The following GLYR1 variants were observed in gnomAD, a reference collection of about 807,000 sequenced individuals.
The protein encoded by GLYR1 is glyoxylate reductase 1 homolog.
A neutral mutation model predicts 72.7 loss-of-function variants in GLYR1; 21 were observed. The observed-to-expected ratio is 0.29, with a 90% CI of 0.20 to 0.42. The LOEUF (loss-of-function observed/expected upper bound fraction) is 0.42. Among genes scored for constraint, GLYR1 ranks in the 10% least tolerant of loss-of-function variants. GLYR1 has a pLI of 1.00. For missense variants in GLYR1, 594 were observed against 712.1 expected, an observed-to-expected ratio of 0.83 and a Z score of 1.89; for synonymous variants, 392 against 270.2, an observed-to-expected ratio of 1.45 and a Z score of -4.42.
intron 9 of GLYR1, among the ~76,000 whole-genome samples, chr16:4,819,566 C>G (rs914116590): frequency 6.6e-6 from 1 of 152,182 alleles, no homozygotes; most frequent in African/African-American, 2.4e-5. Flanking sequence ...CTGCTTTGGT[C>G]TCCCAAAGTG....
intron 3 of GLYR1, 56 bp downstream of exon 3, chr16:4,845,018 A>G: frequency 5.3e-6 from 6 of 1,134,252 alleles, no homozygotes; most frequent in Non-Finnish European, 8.0e-6. Context: ...AGCAGCTCAG[A>G]CTCCAGGTAA....
chr16:4,814,804 G>T (rs968738346), intron 10 of GLYR1, among the ~76,000 whole-genome samples, 157 bp from the exon 11 acceptor site: 4 of 152,222 alleles, frequency 2.6e-5, no homozygotes, highest in Non-Finnish European at 2.9e-5. Context: ...CAACTTTTGG[G>T]GAAGTGCACG....
At position 4,827,434 on chromosome 16, in the gene GLYR1, C is replaced by G. The variant is rs1222844256; in HGVS notation, c.538-3527G>C. Among the ~76,000 whole-genome samples the G allele has an allele frequency of 2.0e-5, 3 of 152,202 alleles. No individual in the cohort carries two copies. The East Asian group carries it at 5.8e-4, about 29-fold the overall frequency. On this transcript the variant is annotated intron_variant, in intron 5 of 15. Transcript: ENST00000321919. ...CACATGCCAGCTCTGTCCTCTCCTGCTCATACGTCCTTTCACTATGGGCCA... is the reference window on the plus strand; with the variant it reads ...CACATGCCAGCTCTGTCCTCTCCTGGTCATACGTCCTTTCACTATGGGCCA...
intron 14 of GLYR1, 48 bp downstream of exon 14, chr16:4,811,575 G>GC: frequency 6.2e-7 from 1 of 1,602,206 alleles, no homozygotes; most frequent in South Asian, 1.1e-5. Context: ...CTAGTACCCT[G>GC]CTCTAATCAA....
rs1468528650 is a variant in GLYR1, at chr16:4,811,066, G to C, written c.1587+104C>G. On this transcript the variant is annotated intron_variant, in intron 15 of 15. Transcript: ENST00000321919. ...GTTGCATTGAGCTGAGATCGCACCA[G>C]TGCACTCTAGCCTGGGTGACAGAGT... 1.1e-5 allele frequency: 15 copies of C among 1,393,990 alleles called. No individual in the cohort carries two copies. In the East Asian group the frequency reaches 1.7e-4, roughly 15 times the overall value. The allele number at this position is 1,393,990 out of a possible 1,614,324, so 86.4% of individuals were successfully genotyped here.
At chr16:4,811,436 T>C (rs1324109835) in intron 14 of GLYR1, 142 bp from the exon 15 acceptor site, 12 of 1,290,426 alleles carry the variant, frequency 9.3e-6, no homozygotes, top group African/African-American at 5.9e-5. Context: ...CACTCACCCT[T>C]AGACACCTGA....
intron 15 of GLYR1, among the ~76,000 whole-genome samples, chr16:4,808,904 T>C (rs1322896067): frequency 6.6e-6 from 1 of 152,180 alleles, no homozygotes; most frequent in African/African-American, 2.4e-5. Flanking sequence ...AAGTCAAGGC[T>C]GCAGTGAGCT....
At chr16:4,812,664 T>C (rs2083386736) in intron 12 of GLYR1, among the ~76,000 whole-genome samples, 2 of 150,434 alleles carry the variant, frequency 1.3e-5, no homozygotes, top group Admixed American at 6.6e-5. Context: ...GGCTAATTTT[T>C]TGTATTTTTA....
intron 15 of GLYR1, among the ~76,000 whole-genome samples, chr16:4,809,611 CAA>C (rs1245851187): frequency 1.8e-3 from 145 of 80,196 alleles, no homozygotes; most frequent in Non-Finnish European, 2.0e-3. Flanking sequence ...AACTCCGTCT[CAA>C]AAAAAAAAAA....
intron 3 of GLYR1, among the ~76,000 whole-genome samples, chr16:4,842,931 G>A (rs1409810599): frequency 1.4e-5 from 2 of 147,004 alleles, no homozygotes; most frequent in South Asian, 2.2e-4. Context: ...AATTCCTGGC[G>A]TTAAGCAATC....
chr16:4,808,564 C>T (rs563046622), intron 15 of GLYR1, among the ~76,000 whole-genome samples: 1 of 152,188 alleles, frequency 6.6e-6, no homozygotes, highest in Non-Finnish European at 1.5e-5. Context: ...CACCATTGCA[C>T]TCCAGCTTGG....
At chr16:4,829,999 T>C (rs947826545) in intron 5 of GLYR1, among the ~76,000 whole-genome samples, 17 of 151,900 alleles carry the variant, frequency 1.1e-4, no homozygotes, top group African/African-American at 4.1e-4. Flanking sequence ...AGATGGGGTT[T>C]CCCTATGTTG....
chr16:4,821,929 C>T (rs755751659), intron 7 of GLYR1, among the ~76,000 whole-genome samples: 1 of 152,206 alleles, frequency 6.6e-6, no homozygotes, highest in Non-Finnish European at 1.5e-5. Context: ...CTTGGGAGGA[C>T]CTCCCTCTGC....
chr16:4,839,184 CACACACACACAA>C (rs1293249744), intron 3 of GLYR1: 3 of 152,476 alleles, frequency 2.0e-5, no homozygotes, highest in African/African-American at 4.8e-5. Context: ...AAAAAGCACA[CACACACACACAA>C]ACACACACAC....
chr16:4,819,617 T>C (rs2083885463), intron 9 of GLYR1, among the ~76,000 whole-genome samples: 1 of 152,196 alleles, frequency 6.6e-6, no homozygotes, highest in Non-Finnish European at 1.5e-5. Context: ...GGCCATGTTT[T>C]CAATTCAGAA....
rs1354984686 is a variant in GLYR1 at position 4,821,366 on chromosome 16, A to C, written c.806+14T>G. The C allele has an allele frequency of 6.2e-7, 1 of 1,612,410 alleles. No individual in the cohort carries two copies. Among genetic ancestry groups the C allele is most frequent in the Non-Finnish European group, 8.5e-7 (1 of 1,179,940 alleles). ...AACCAGAGCCACTGGAGGCCTTTTC[A>C]TCAAAGGTCCTACTTTTTGTCTGTG... On this transcript the variant is annotated intron_variant, in intron 9 of 15. Transcript: ENST00000321919.
At chr16:4,838,247 T>C (rs2085292038) in intron 3 of GLYR1, among the ~76,000 whole-genome samples, 1 of 152,032 alleles carries the variant, frequency 6.6e-6, no homozygotes, top group African/African-American at 2.4e-5. Flanking sequence ...AACCACATAT[T>C]CTTCTAGAGC....
intron 1 of GLYR1, chr16:4,846,759 C>A (rs566204781): frequency 8.7e-6 from 2 of 230,914 alleles, no homozygotes; most frequent in Non-Finnish European, 1.7e-5. Context: ...CGGGGCAACG[C>A]CAGCAGTCCG....
At chr16:4,834,686 G>A (rs1030819809) in intron 3 of GLYR1, among the ~76,000 whole-genome samples, 2 of 151,766 alleles carry the variant, frequency 1.3e-5, no homozygotes, top group Non-Finnish European at 2.9e-5. Flanking sequence ...GGCTGGTCTT[G>A]AACTTCTGGC....
Sources: allele counts gnomAD v4.1 joint callset (sites outside exome capture counted in the v4.1 genomes callset), GRCh38; gene constraint gnomAD v4.1.1; transcripts MANE v1.5; gene names NCBI Gene and HGNC (gene_info 2026-07-23, HGNC 2026-07-21).